The following MCU variants were observed in gnomAD, a reference collection of about 807,000 sequenced individuals.
The protein encoded by MCU is mitochondrial calcium uniporter.
A neutral mutation model predicts 45.2 loss-of-function variants in MCU; 12 were observed. The ratio of observed to expected loss-of-function variants is 0.27; its 90% CI spans 0.17 to 0.43. The LOEUF is 0.43. Among genes scored for constraint, MCU ranks in the 20% least tolerant of loss-of-function variants. The pLI is 1.00. For missense variants in MCU, 324 were observed against 436.7 expected, an observed-to-expected ratio of 0.74 and a Z score of 2.30; for synonymous variants, 160 against 165.1, an observed-to-expected ratio of 0.97 and a Z score of 0.24.
chr10:72,818,433 C>A (rs1844658028), intron 1 of MCU, among the ~76,000 whole-genome samples: 1 of 152,138 alleles, frequency 6.6e-6, no homozygotes. Flanking sequence ...TTTTACCATA[C>A]CCTGATTGTA....
At chr10:72,733,963 A>C (rs930776000) in intron 1 of MCU, among the ~76,000 whole-genome samples, 2 of 152,100 alleles carry the variant, frequency 1.3e-5, no homozygotes, top group African/African-American at 4.8e-5. Flanking sequence ...TGTTAACAGA[A>C]GCTTTAAAGG....
rs548915996 is a variant in MCU, at chr10:72,881,849, A to G, written c.862-2417A>G. Among the ~76,000 whole-genome samples the G allele has an allele frequency of 1.2e-4, 18 of 152,352 alleles. No homozygotes were observed. The South Asian group carries it at 3.5e-3, about 30-fold the overall frequency. ...TGTACATCCACACAAAAACTTGTAC[A>G]CAAGTGTTCACAGCAGGATTGTACA... is the stretch of plus-strand genomic sequence containing the variant. On this transcript the variant is annotated intron_variant, in intron 6 of 7. Transcript: ENST00000373053.
intron 1 of MCU, among the ~76,000 whole-genome samples, chr10:72,733,127 C>T (rs529571790): frequency 3.0e-4 from 45 of 152,202 alleles, no homozygotes; most frequent in Non-Finnish European, 6.0e-4. Flanking sequence ...ATTAATCTCT[C>T]TAAACTTCAG....
At chr10:72,812,200 G>A (rs1362761199) in intron 1 of MCU, among the ~76,000 whole-genome samples, 2 of 151,924 alleles carry the variant, frequency 1.3e-5, no homozygotes, top group African/African-American at 2.4e-5. Flanking sequence ...AGGCTAGAGT[G>A]CAGTGGTGTG....
intron 2 of MCU, among the ~76,000 whole-genome samples, chr10:72,855,962 T>A (rs1364313411): frequency 6.6e-6 from 1 of 152,204 alleles, no homozygotes; most frequent in African/African-American, 2.4e-5. Flanking sequence ...AAAGCTTTAT[T>A]CATAGTAGCC....
rs186824307 is a variant in MCU, at chr10:72,810,561, G to A, written c.151-23798G>A. On this transcript the variant is annotated intron_variant, in intron 1 of 7. Transcript: ENST00000373053. The stretch of plus-strand genomic sequence containing the variant: ...CGGCTCACTGCAACCTCTGCCTCCC[G>A]GGTTGAAGTGATTCTCCTGCCTCAG... 5.0e-3 allele frequency among the ~76,000 whole-genome samples: 745 copies of A among 148,782 alleles called. 5 individuals carry two copies. The highest frequency in any genetic ancestry group is 0.018 in the African/African-American group (712 of 39,722).
intron 1 of MCU, among the ~76,000 whole-genome samples, chr10:72,805,111 CTTTCTTTCTT>C (rs2132789630): frequency 8.3e-6 from 1 of 120,998 alleles, no homozygotes; most frequent in African/African-American, 4.1e-5. Flanking sequence ...CTCTTTCTTT[CTTTCTTTCTT>C]TCTTTCTTTC....
At chr10:72,838,087 T>G (rs1844982566) in intron 2 of MCU, among the ~76,000 whole-genome samples, 1 of 151,872 alleles carries the variant, frequency 6.6e-6, no homozygotes, top group Admixed American at 6.6e-5. Context: ...GGTCTCGATC[T>G]CTTGACCTTG....
At chr10:72,835,661 T>C (rs1447115702) in intron 2 of MCU, among the ~76,000 whole-genome samples, 1 of 152,144 alleles carries the variant, frequency 6.6e-6, no homozygotes, top group African/African-American at 2.4e-5. Flanking sequence ...GAAAAATCCA[T>C]TGTGATTACT....
chr10:72,761,453 T>C lies in MCU; in HGVS notation c.150+69152T>C, dbSNP rs541639782. On this transcript the variant is annotated intron_variant, in intron 1 of 7. Transcript: ENST00000373053. ...AGGTACAAAGAAAACGAAGTTATCT[T>C]ATGGCCAGAATACCTTTTCTCACCT... Among the ~76,000 whole-genome samples the C allele has an allele frequency of 3.3e-5, 5 of 152,314 alleles. No individual in the cohort carries two copies. In the South Asian group the frequency reaches 1.0e-3, roughly 32 times the overall value.
At chr10:72,858,171 A>G (rs755071685) in intron 2 of MCU, among the ~76,000 whole-genome samples, 4 of 152,222 alleles carry the variant, frequency 2.6e-5, no homozygotes, top group Non-Finnish European at 4.4e-5. Flanking sequence ...CATGCTGAGC[A>G]GGGTGGCCAA....
intron 1 of MCU, among the ~76,000 whole-genome samples, chr10:72,780,511 A>AGTGAGTGTGTGTGTGTGTGT (rs1843973262): frequency 9.0e-6 from 1 of 110,584 alleles, no homozygotes; most frequent in Non-Finnish European, 1.8e-5. Context: ...TCTTTGGCTA[A>AGTGAGTGTGTGTGTGTGTGT]GTGTGTGTGT....
chr10:72,821,892 C>T (rs1313062299), intron 1 of MCU, among the ~76,000 whole-genome samples: 2 of 152,156 alleles, frequency 1.3e-5, no homozygotes, highest in Non-Finnish European at 2.9e-5. Context: ...GGATTTAAAT[C>T]ATACAGAGTA....
intron 2 of MCU, among the ~76,000 whole-genome samples, chr10:72,851,836 G>A (rs1044756621): frequency 4.6e-5 from 7 of 152,142 alleles, no homozygotes; most frequent in African/African-American, 1.7e-4. Flanking sequence ...TTGGGGGAAG[G>A]CATATTATTT....
intron 6 of MCU, among the ~76,000 whole-genome samples, chr10:72,878,508 A>G (rs918257027): frequency 2.0e-5 from 3 of 152,194 alleles, no homozygotes; most frequent in South Asian, 2.1e-4. Flanking sequence ...AACAGACACA[A>G]GGACTCCAGA....
In MCU at chr10:72,860,509, G is replaced by A. The variant is rs759602419; in HGVS notation, c.478G>A (p.Val160Ile). ...GGTCATTAATGACTTAACATACCAC[G>A]TACGACCACCAAAAAGAGGTAAAAT... ...KLVINDLTYH[V>I]RPPKRDLLSH... The change falls in exon 4 of 8, where the codon GTA becomes ATA. Residue 160 changes from valine (V) to isoleucine (I), a missense_variant. Physicochemically the swap from Val to Ile is conservative, Grantham distance 29. Coordinates refer to ENST00000373053, the MANE Select transcript of MCU (RefSeq NM_138357.3). 12 of 1,613,404 alleles carry A rather than the reference G, an allele frequency of 7.4e-6. No individual in the cohort carries two copies. The highest frequency in any genetic ancestry group is 3.3e-5 in the Admixed American group (2 of 59,976).
chr10:72,827,547 C>T (rs913586116), intron 1 of MCU, among the ~76,000 whole-genome samples: 1 of 152,140 alleles, frequency 6.6e-6, no homozygotes, highest in Non-Finnish European at 1.5e-5. Context: ...CTACCTTTAA[C>T]ATCATAAGAT....
chr10:72,778,880 A>G (rs1328259041), intron 1 of MCU, among the ~76,000 whole-genome samples: 2 of 152,232 alleles, frequency 1.3e-5, no homozygotes, highest in Admixed American at 6.5e-5. Context: ...TGGGGAAAAA[A>G]AACTTACTGC....
rs558319131 is a variant in MCU at position 72,856,903 on chromosome 10, C to T, written c.221-2274C>T. Among the ~76,000 whole-genome samples, 13 of 146,462 alleles carry T rather than the reference C, an allele frequency of 8.9e-5. No individual in the cohort carries two copies. The East Asian group carries it at 2.0e-3, about 22-fold the overall frequency. On this transcript the variant is annotated intron_variant, in intron 2 of 7. Coordinates refer to ENST00000373053, the MANE Select transcript of MCU (RefSeq NM_138357.3). ...AGTCTGCAGTGAGCTGTGATCATGCCGCTGCACTCCTGGGTGATAGAGCAA... is the reference window on the plus strand; with the variant it reads ...AGTCTGCAGTGAGCTGTGATCATGCTGCTGCACTCCTGGGTGATAGAGCAA...
Sources: gnomAD v4.1 joint callset for allele counts (sites outside exome capture counted in the v4.1 genomes callset) on GRCh38, gnomAD v4.1.1 for gene constraint, MANE v1.5 for transcripts, NCBI Gene and HGNC (gene_info 2026-07-23, HGNC 2026-07-21) for gene names.